Variants in ANO10 observed in about 807,000 individuals in gnomAD.
ANO10 encodes anoctamin-10.
In ANO10, 77 loss-of-function variants were observed where a neutral mutation model predicts 74.7. That is an observed-to-expected ratio of 1.03 (90% CI 0.86 to 1.25). The LOEUF is 1.25. Ranked by LOEUF, ANO10 falls within the 50% of genes most tolerant of loss-of-function variation. The pLI is 0.00. For synonymous variants in ANO10, 279 were observed against 284.9 expected, an observed-to-expected ratio of 0.98 and a Z score of 0.21; for missense variants, 721 against 778.1, an observed-to-expected ratio of 0.93 and a Z score of 0.87.
At chr3:43,441,905 C>G (rs2093165698) in intron 11 of ANO10, among the ~76,000 whole-genome samples, 1 of 152,056 alleles carries the variant, frequency 6.6e-6, no homozygotes. Flanking sequence ...AGACAAACCA[C>G]ATTATTTCAA....
chr3:43,687,430 G>A (rs910842561), intron 1 of ANO10, among the ~76,000 whole-genome samples: 2 of 152,138 alleles, frequency 1.3e-5, no homozygotes, highest in African/African-American at 4.8e-5. Context: ...ACTTTGCCTG[G>A]GGAACTACTA....
At chr3:43,405,987 T>C (rs2092568983) in intron 12 of ANO10, among the ~76,000 whole-genome samples, 1 of 152,188 alleles carries the variant, frequency 6.6e-6, no homozygotes, top group African/African-American at 2.4e-5. Context: ...TTAACCATTC[T>C]TGAAAGTATA....
At chr3:43,604,504 C>CT (rs549252213) in intron 2 of ANO10, among the ~76,000 whole-genome samples, 6,061 of 142,150 alleles carry the variant, frequency 0.043, 155 homozygotes, top group South Asian at 0.062. Context: ...CTTGTATCTT[C>CT]TTTTTTTTTT....
At chr3:43,653,988 T>G (rs937053473) in intron 1 of ANO10, among the ~76,000 whole-genome samples, 9 of 149,708 alleles carry the variant, frequency 6.0e-5, no homozygotes, top group Admixed American at 2.0e-4. Flanking sequence ...TTGTCACACC[T>G]GGATATGAGG....
intron 11 of ANO10, among the ~76,000 whole-genome samples, chr3:43,461,819 A>G (rs753809495): frequency 7.5e-4 from 114 of 152,288 alleles, no homozygotes; most frequent in Non-Finnish European, 5.9e-5. Context: ...GTACCAGCAG[A>G]ATGGGGCGCT....
intron 12 of ANO10, among the ~76,000 whole-genome samples, chr3:43,404,697 C>A (rs2092543329): frequency 6.6e-6 from 1 of 151,664 alleles, no homozygotes; most frequent in African/African-American, 2.4e-5. Context: ...GTCTAGGCAA[C>A]ATAAAGAGAC....
chr3:43,480,908 T>C (rs1390946283), intron 11 of ANO10, among the ~76,000 whole-genome samples: 2 of 151,936 alleles, frequency 1.3e-5, no homozygotes, highest in African/African-American at 2.4e-5. Flanking sequence ...AACATAATCA[T>C]GGCACACTAC....
chr3:43,453,816 T>A (rs994852767), intron 11 of ANO10, among the ~76,000 whole-genome samples: 8 of 152,104 alleles, frequency 5.3e-5, no homozygotes, highest in African/African-American at 1.9e-4. Flanking sequence ...TATAAGTCTG[T>A]CCTTATGCCG....
intron 12 of ANO10, among the ~76,000 whole-genome samples, chr3:43,417,539 C>T (rs2092759945): frequency 6.6e-6 from 1 of 152,110 alleles, no homozygotes; most frequent in African/African-American, 2.4e-5. Context: ...GTTTTCCTTT[C>T]TTTTTTTCTC....
Position 43,448,866 on chromosome 3 carries a change from TTTCTTTC to T in ANO10, c.1798-16146_1798-16140del, listed in dbSNP as rs1464772726. Among the ~76,000 whole-genome samples, 34 of 99,230 alleles carry T rather than the reference TTTCTTTC, an allele frequency of 3.4e-4. No homozygotes were observed. In the East Asian group the frequency reaches 4.7e-3, roughly 14 times the overall value. The allele number at this position is 99,230 out of a possible 152,430, so 65.1% of individuals were successfully genotyped here. On this transcript the variant is annotated intron_variant, in intron 11 of 12. Transcript: ENST00000292246. ...ATGGATTGTTTTCTTTCTTTCTTTC[TTTCTTTC>T]TTTTTTTTTTTTTTTGGAGACAGAG...
chr3:43,571,334 A>T (rs1387347867), intron 7 of ANO10, among the ~76,000 whole-genome samples: 1 of 152,024 alleles, frequency 6.6e-6, no homozygotes, highest in Admixed American at 6.5e-5. Flanking sequence ...CCCATTACTG[A>T]GTATATACCC....
intron 11 of ANO10, among the ~76,000 whole-genome samples, chr3:43,473,112 T>C (rs1315661888): frequency 2.0e-5 from 3 of 152,082 alleles, no homozygotes; most frequent in Admixed American, 2.0e-4. Flanking sequence ...GGCAAATCAG[T>C]GTGTTGTGAA....
rs550443455 is a variant in ANO10, at chr3:43,445,696, T to A, written c.1798-12969A>T. Among the ~76,000 whole-genome samples, 31 of 148,444 alleles carry A rather than the reference T, an allele frequency of 2.1e-4. No homozygotes were observed. In the East Asian group the frequency reaches 6.1e-3, roughly 29 times the overall value. ...CATTGCCTACAACACAGGCAATGCA[T>A]TTTTTTTTTGTATTTTTTGTTTTTG... On this transcript the variant is annotated intron_variant, in intron 11 of 12. Coordinates refer to ENST00000292246, the MANE Select transcript of ANO10 (RefSeq NM_018075.5).
chr3:43,596,534 T>C (rs1321464958), intron 4 of ANO10, among the ~76,000 whole-genome samples: 2 of 152,150 alleles, frequency 1.3e-5, no homozygotes, highest in East Asian at 1.9e-4. Flanking sequence ...ATTTAATAAA[T>C]GGTGCTGGGA....
At chr3:43,625,614 C>T (rs1298135411), upstream of ANO10, among the ~76,000 whole-genome samples, 3 of 152,042 alleles carry the variant, frequency 2.0e-5, no homozygotes, top group Non-Finnish European at 4.4e-5. Context: ...AGAGTGAGTT[C>T]GAGAGCATCT....
intron 11 of ANO10, among the ~76,000 whole-genome samples, chr3:43,545,390 T>C (rs6786013): frequency 0.58 from 88,256 of 151,946 alleles, 26,680 homozygotes; most frequent in East Asian, 0.89. Flanking sequence ...TTGTTTTTTT[T>C]TTAGACAGAG....
intron 12 of ANO10, among the ~76,000 whole-genome samples, chr3:43,408,322 A>G (rs548857527): frequency 6.6e-6 from 1 of 152,356 alleles, no homozygotes; most frequent in East Asian, 1.9e-4. Context: ...TTAAAATATT[A>G]ATTAATCTTA....
chr3:43,496,648 A>G (rs1478578991), intron 11 of ANO10, among the ~76,000 whole-genome samples: 1 of 151,982 alleles, frequency 6.6e-6, no homozygotes, highest in African/African-American at 2.4e-5. Context: ...GGCAGAGACA[A>G]GGTTTCGTCA....
At chr3:43,479,301 A>G (rs2076183230) in intron 11 of ANO10, among the ~76,000 whole-genome samples, 1 of 152,222 alleles carries the variant, frequency 6.6e-6, no homozygotes, top group Admixed American at 6.5e-5. Flanking sequence ...TTCTATACCT[A>G]ATTATCCTAT....
Sources: gnomAD v4.1 joint callset for allele counts (sites outside exome capture counted in the v4.1 genomes callset) on GRCh38, gnomAD v4.1.1 for gene constraint, MANE v1.5 for transcripts, NCBI Gene and HGNC (gene_info 2026-07-23, HGNC 2026-07-21) for gene names.